The following SPON1 variants were observed in gnomAD, a reference collection of about 807,000 sequenced individuals.
The protein encoded by SPON1 is spondin-1.
Under a neutral mutation model 111.7 loss-of-function variants are expected in SPON1, and 52 were observed. That is an observed-to-expected ratio of 0.47 (90% CI 0.37 to 0.59). The LOEUF (loss-of-function observed/expected upper bound fraction) is 0.59. Among genes scored for constraint, SPON1 ranks in the 20% least tolerant of loss-of-function variants. The pLI is 0.00. For missense variants in SPON1, 957 were observed against 1,068.5 expected (o/e 0.90, Z 1.46); for synonymous variants, 410 against 395.8 (o/e 1.04, Z -0.43).
At chr11:14,094,269 C>A (rs1304272839) in intron 5 of SPON1, among the ~76,000 whole-genome samples, 2 of 151,422 alleles carry the variant, frequency 1.3e-5, no homozygotes, top group Non-Finnish European at 2.9e-5. Context: ...CAACCCGTCT[C>A]CTTTCTTTGG....
chr11:14,144,080 A>G (rs10766146), intron 6 of SPON1, among the ~76,000 whole-genome samples: 59,260 of 151,982 alleles, frequency 0.39, 11,799 homozygotes, highest in East Asian at 0.54. Context: ...AAACAATAAC[A>G]AGAATATGAA....
intron 1 of SPON1, among the ~76,000 whole-genome samples, chr11:13,965,006 C>T (rs1050092118): frequency 1.3e-5 from 2 of 151,632 alleles, no homozygotes. Context: ...GCTGTTTATC[C>T]ACCCTCTCTT....
chr11:13,997,429 C>G (rs1848282283), intron 2 of SPON1, among the ~76,000 whole-genome samples: 1 of 152,310 alleles, frequency 6.6e-6, no homozygotes, highest in East Asian at 1.9e-4. Flanking sequence ...GTCCCTTCAT[C>G]TACAAAATAA....
At chr11:14,167,915 T>C (rs1848049763) in intron 6 of SPON1, among the ~76,000 whole-genome samples, 1 of 152,208 alleles carries the variant, frequency 6.6e-6, no homozygotes, top group Admixed American at 6.5e-5. Context: ...GACTTCAGTT[T>C]TGTCCCATTA....
chr11:14,169,187 T>C (rs1444552291), intron 6 of SPON1, among the ~76,000 whole-genome samples: 17 of 152,296 alleles, frequency 1.1e-4, no homozygotes, highest in South Asian at 4.1e-4. Flanking sequence ...TTTTAATGAT[T>C]GCCATTCTAA....
intron 2 of SPON1, among the ~76,000 whole-genome samples, chr11:14,015,800 T>C (rs1209872751): frequency 1.3e-5 from 2 of 152,196 alleles, no homozygotes; most frequent in African/African-American, 4.8e-5. Context: ...GAGTGAGTCA[T>C]GCTGCCTGAA....
At chr11:14,202,286 G>A (rs1251869599) in intron 6 of SPON1, among the ~76,000 whole-genome samples, 1 of 152,216 alleles carries the variant, frequency 6.6e-6, no homozygotes, top group African/African-American at 2.4e-5. Context: ...CATGTCAAGG[G>A]AGACGCAGGA....
intron 7 of SPON1, among the ~76,000 whole-genome samples, chr11:14,245,454 A>G (rs1848978661): frequency 6.6e-6 from 1 of 152,162 alleles, no homozygotes; most frequent in Non-Finnish European, 1.5e-5. Context: ...TATATAAAAT[A>G]TAATGTCATC....
intron 6 of SPON1, among the ~76,000 whole-genome samples, chr11:14,192,929 G>A (rs1335319745): frequency 1.3e-5 from 2 of 152,102 alleles, no homozygotes; most frequent in Non-Finnish European, 2.9e-5. Flanking sequence ...GAATTCTCGG[G>A]GTAGAGTGCA....
chr11:14,199,614 T>C (rs1384218905), intron 6 of SPON1, among the ~76,000 whole-genome samples: 1 of 152,226 alleles, frequency 6.6e-6, no homozygotes, highest in Non-Finnish European at 1.5e-5. Flanking sequence ...GAAAGGGCTT[T>C]TTAAACACAA....
chr11:14,253,882 T>C (rs1849078736), intron 7 of SPON1, among the ~76,000 whole-genome samples: 2 of 152,218 alleles, frequency 1.3e-5, no homozygotes, highest in Non-Finnish European at 2.9e-5. Flanking sequence ...ATGTGACTCT[T>C]TCCTTTCCAG....
intron 5 of SPON1, among the ~76,000 whole-genome samples, chr11:14,116,322 G>A (rs1022505996): frequency 3.3e-5 from 5 of 151,982 alleles, no homozygotes; most frequent in African/African-American, 7.2e-5. Context: ...CCTCAAAGTC[G>A]TGAAGATGTT....
At chr11:14,201,123 A>G (rs976519759) in intron 6 of SPON1, among the ~76,000 whole-genome samples, 3 of 151,836 alleles carry the variant, frequency 2.0e-5, no homozygotes, top group African/African-American at 7.3e-5. Flanking sequence ...GGTAGATCAC[A>G]AGGTCAGGAG....
At chr11:14,023,260 C>T (rs1554914933) in intron 2 of SPON1, among the ~76,000 whole-genome samples, 5 of 152,156 alleles carry the variant, frequency 3.3e-5, no homozygotes. Context: ...TAAATGTGCG[C>T]TCTGGCTTCT....
intron 2 of SPON1, 103 bp downstream of exon 2, chr11:13,983,056 C>A (rs566674247): frequency 2.8e-6 from 2 of 713,052 alleles, no homozygotes; most frequent in Non-Finnish European, 4.8e-6. Flanking sequence ...GTCCCTTGAC[C>A]GTTGGCCAAC....
At chr11:14,128,498 C>A (rs782113382) in intron 5 of SPON1, among the ~76,000 whole-genome samples, 11 of 152,234 alleles carry the variant, frequency 7.2e-5, no homozygotes, top group Non-Finnish European at 1.3e-4. Flanking sequence ...GGCAGCTCCA[C>A]CCCTGAGGCT....
At chr11:13,998,277 G>A (rs890608908) in intron 2 of SPON1, among the ~76,000 whole-genome samples, 4 of 152,328 alleles carry the variant, frequency 2.6e-5, no homozygotes, top group African/African-American at 9.6e-5. Context: ...AAAGGCCTGT[G>A]TCATTTTCTC....
intron 2 of SPON1, among the ~76,000 whole-genome samples, chr11:14,014,645 C>T (rs1378652159): frequency 3.3e-5 from 5 of 152,114 alleles, no homozygotes; most frequent in African/African-American, 9.7e-5. Context: ...TACTGTCGGG[C>T]ATTTGCGCCT....
chr11:14,022,710 T>G (rs782757233), intron 2 of SPON1, among the ~76,000 whole-genome samples: 4 of 152,226 alleles, frequency 2.6e-5, no homozygotes, highest in Admixed American at 1.3e-4. Flanking sequence ...AAAGTTAAGC[T>G]TTTCTTCCCT....
Sources: gnomAD v4.1 joint callset for allele counts (sites outside exome capture counted in the v4.1 genomes callset) on GRCh38, gnomAD v4.1.1 for gene constraint, MANE v1.5 for transcripts, NCBI Gene and HGNC (gene_info 2026-07-23, HGNC 2026-07-21) for gene names.